The following PAX6 variants were observed in gnomAD, a reference collection of about 807,000 sequenced individuals.
PAX6 encodes the protein paired box protein Pax-6.
A neutral mutation model predicts 60.7 loss-of-function variants in PAX6; 7 were observed. That is an observed-to-expected ratio of 0.12 (90% CI 0.07 to 0.22). The LOEUF (loss-of-function observed/expected upper bound fraction) is 0.22, where lower values mean the gene tolerates loss of function less well. PAX6 is among the 10% of genes least tolerant of loss of function. The probability of loss-of-function intolerance (pLI) is 1.00; values close to 1 mark genes in which losing one functional copy is unlikely to be tolerated. For synonymous variants in PAX6, 208 were observed against 201.2 expected (o/e 1.03, Z -0.29); for missense variants, 355 against 555.2 (o/e 0.64, Z 3.62).
At chr11:31,811,520 G>A, upstream of PAX6, 1 of 279,098 alleles carries the variant, frequency 3.6e-6, no homozygotes. Flanking sequence ...CCGGGCTCTG[G>A]CGCTCGCCTG....
chr11:31,817,126 C>A (rs1292323326), intron 1 of PAX6, among the ~76,000 whole-genome samples: 1 of 152,284 alleles, frequency 6.6e-6, no homozygotes, highest in Non-Finnish European at 1.5e-5. Context: ...GCCAGCGCAG[C>A]GCCCGCAGTA....
upstream of PAX6, chr11:31,817,947 A>AT (rs1764589510): frequency 1.3e-5 from 2 of 152,700 alleles, no homozygotes; most frequent in South Asian, 4.1e-4. Flanking sequence ...AATGTCAATG[A>AT]TAAGAAAAGA....
At chr11:31,816,671 C>T (rs751635981) in intron 1 of PAX6, 6 of 696,374 alleles carry the variant, frequency 8.6e-6, no homozygotes, top group South Asian at 3.0e-5. Flanking sequence ...CCACTGCGCT[C>T]GTCCCCCGTT....
At chr11:31,791,047 C>A in intron 12 of PAX6, 187 bp from the exon 13 acceptor site, 1 of 723,262 alleles carries the variant, frequency 1.4e-6, no homozygotes, top group South Asian at 1.5e-5. Flanking sequence ...CTGGCCACAG[C>A]TAGAAGAAAG....
intron 1 of PAX6, among the ~76,000 whole-genome samples, chr11:31,817,651 T>A (rs1489989478): frequency 6.6e-6 from 1 of 152,122 alleles, no homozygotes; most frequent in East Asian, 1.9e-4. Context: ...TATCCCTCCC[T>A]CAGTAACTCG....
chr11:31,793,295 C>A (rs886810862), intron 12 of PAX6, 143 bp downstream of exon 12: 1 of 742,484 alleles, frequency 1.3e-6, no homozygotes, highest in East Asian at 2.6e-5. Context: ...GATTGACTGT[C>A]TCCGACTTGA....
intron 5 of PAX6, 83 bp downstream of exon 5, chr11:31,802,621 T>C: frequency 6.8e-7 from 1 of 1,480,534 alleles, no homozygotes; most frequent in Non-Finnish European, 9.1e-7. Flanking sequence ...ATAATTAGCA[T>C]CGTTTACAGT....
At chr11:31,816,001 A>T (rs747559787), upstream of PAX6, among the ~76,000 whole-genome samples, 4 of 152,076 alleles carry the variant, frequency 2.6e-5, no homozygotes, top group Non-Finnish European at 5.9e-5. Flanking sequence ...TCACGAGAGG[A>T]AAGGGAATGA....
intron 2 of PAX6, chr11:31,810,460 G>A (rs1956830821): frequency 6.1e-6 from 1 of 164,506 alleles, no homozygotes; most frequent in African/African-American, 2.4e-5. Context: ...GAGCCTCTTC[G>A]TCTTTTCCCG....
rs1592529768 is a variant in PAX6 at position 31,800,715 on chromosome 11, A to T, written c.541T>A (p.Ser181Thr). 6.2e-7 allele frequency: 1 copy of T among 1,614,206 alleles called. No homozygotes were observed. The highest frequency in any genetic ancestry group is 1.3e-5 in the African/African-American group (1 of 75,058). ...CCTTGCGTAGGTTGCCCTGGCACCG[A>T]AGTCCCCGGATACCAACCAGGGCGG... ...GTRPGWYPGT[S>T]VPGQPTQDGC... The change falls in exon 8 of 14, where the codon TCG becomes ACG. Residue 181 changes from serine (S) to threonine (T), a missense_variant. Physicochemically the swap from Ser to Thr is moderately conservative, Grantham distance 58. Transcript: ENST00000640368.
intron 10 of PAX6, 47 bp from the exon 11 acceptor site, chr11:31,793,849 A>G: frequency 6.2e-7 from 1 of 1,612,106 alleles, no homozygotes; most frequent in Non-Finnish European, 8.5e-7. Context: ...CGTCGAGCCC[A>G]GCCCCACCTT....
chr11:31,810,959 TGA>T lies in PAX6; in HGVS notation c.-262_-261del, dbSNP rs1956947399. The T allele has an allele frequency of 2.5e-6, 1 of 399,294 alleles. No individual in the cohort carries two copies. The highest frequency in any genetic ancestry group is 4.4e-6 in the Non-Finnish European group (1 of 226,122). 24.7% of individuals were successfully genotyped at this position (399,294 alleles called of 1,614,324 possible). ...GACGGTGTTTTAAAGGAGTTGCTGG[TGA>T]GAGTTTTCTCCACGGATGTTGCTGG... On this transcript the variant is annotated 5_prime_UTR_variant, in exon 2 of 14. Coordinates refer to ENST00000640368, the MANE Select transcript of PAX6 (RefSeq NM_001368894.2).
At chr11:31,791,140 G>C in intron 12 of PAX6, 1 of 501,462 alleles carries the variant, frequency 2.0e-6, no homozygotes, top group Admixed American at 3.1e-5. Flanking sequence ...TAAATTAATA[G>C]GATTTTTGTC....
intron 8 of PAX6, among the ~76,000 whole-genome samples, chr11:31,799,765 C>G (rs959572193): frequency 1.3e-5 from 2 of 152,158 alleles, no homozygotes; most frequent in African/African-American, 4.8e-5. Flanking sequence ...CCCCTGGCCC[C>G]GAGCCCCTCG....
intron 9 of PAX6, 171 bp from the exon 10 acceptor site, chr11:31,794,285 G>A: frequency 1.5e-6 from 1 of 687,940 alleles, no homozygotes; most frequent in Non-Finnish European, 2.6e-6. Flanking sequence ...CCAGAACCAA[G>A]TTAAATTTTC....
intron 8 of PAX6, among the ~76,000 whole-genome samples, chr11:31,797,794 C>T (rs1374449004): frequency 6.6e-6 from 1 of 152,126 alleles, no homozygotes; most frequent in Non-Finnish European, 1.5e-5. Context: ...CCACGATAAA[C>T]CTAAGTGGTG....
chr11:31,816,689 G>A (rs1471799041), intron 1 of PAX6: 4 of 597,116 alleles, frequency 6.7e-6, no homozygotes, highest in African/African-American at 3.8e-5. Context: ...GTTTCCAGGT[G>A]AGGTGAGCAG....
chr11:31,790,565 A>G (rs1949567014), intron 13 of PAX6, 145 bp downstream of exon 13: 2 of 1,533,454 alleles, frequency 1.3e-6, no homozygotes, highest in Admixed American at 3.5e-5. Context: ...GCTTAACTGA[A>G]TTTCCCTTTT....
intron 8 of PAX6, among the ~76,000 whole-genome samples, chr11:31,799,160 T>C (rs1952697951): frequency 6.6e-6 from 1 of 152,168 alleles, no homozygotes; most frequent in South Asian, 2.1e-4. Flanking sequence ...GTGGGAATCC[T>C]ACGGTTTCAA....
Sources: allele counts gnomAD v4.1 joint callset (sites outside exome capture counted in the v4.1 genomes callset), GRCh38; gene constraint gnomAD v4.1.1; transcripts MANE v1.5; gene names NCBI Gene and HGNC (gene_info 2026-07-23, HGNC 2026-07-21).